THOP1: variants seen among roughly 807,000 people sequenced by gnomAD.
THOP1 encodes thimet oligopeptidase 1.
Under a neutral mutation model 71.8 loss-of-function variants are expected in THOP1, and 49 were observed. The observed-to-expected ratio is 0.68, with a 90% CI of 0.54 to 0.87. THOP1 has a LOEUF of 0.87. THOP1 is among the 40% of genes least tolerant of loss of function. The pLI, the probability that THOP1 is intolerant of heterozygous loss-of-function variation, is 0.00. For synonymous variants in THOP1, 426 were observed against 421.5 expected, an observed-to-expected ratio of 1.01 and a Z score of -0.13; for missense variants, 843 against 975.6, an observed-to-expected ratio of 0.86 and a Z score of 1.81.
chr19:2,801,389 TCTAA>T lies in THOP1; in HGVS notation c.589+1601_589+1604del, dbSNP rs1485553257. Among the ~76,000 whole-genome samples, 7 of 152,308 alleles carry T rather than the reference TCTAA, an allele frequency of 4.6e-5. No individual in the cohort carries two copies. In the East Asian group the frequency reaches 1.3e-3, roughly 29 times the overall value. On this transcript the variant is annotated intron_variant, in intron 5 of 12. Coordinates refer to ENST00000307741, the MANE Select transcript of THOP1 (RefSeq NM_003249.5). The surrounding 1 kb of genome is among the most constrained non-coding windows in gnomAD (Gnocchi z 5.1). ...ACTCGAATGTTTGTGGATTTTGGTG[TCTAA>T]CTCTTTGGGGTGCCGTTCCATTTGT...
intron 3 of THOP1, among the ~76,000 whole-genome samples, chr19:2,795,358 G>T (rs781459800): frequency 2.0e-4 from 30 of 152,268 alleles, no homozygotes; most frequent in Non-Finnish European, 4.0e-4. Flanking sequence ...CGGCATGGCT[G>T]CGTGGGCTCC....
intron 4 of THOP1, among the ~76,000 whole-genome samples, chr19:2,799,472 C>T (rs114923877): frequency 6.6e-6 from 1 of 152,244 alleles, no homozygotes; most frequent in Admixed American, 6.5e-5. Context: ...TTGGATGCCG[C>T]AGCTGGTGTT....
chr19:2,791,488 T>C (rs1915877685), intron 2 of THOP1, among the ~76,000 whole-genome samples: 1 of 152,194 alleles, frequency 6.6e-6, no homozygotes, highest in Non-Finnish European at 1.5e-5. Context: ...GGCCAGGGGC[T>C]GGAGGGAGGG....
intron 2 of THOP1, among the ~76,000 whole-genome samples, chr19:2,793,123 C>T (rs1307169975): frequency 2.0e-5 from 3 of 151,260 alleles, no homozygotes; most frequent in African/African-American, 4.9e-5. Context: ...GGCGGTGAGC[C>T]GAGATCACAC....
chr19:2,808,125 G>C (rs1599531188), intron 8 of THOP1, 118 bp from the exon 9 acceptor site: 1 of 1,187,248 alleles, frequency 8.4e-7, no homozygotes, highest in East Asian at 2.6e-5. Context: ...GGGAGGTTTA[G>C]AACCTCAGAG....
intron 4 of THOP1, among the ~76,000 whole-genome samples, chr19:2,799,323 T>C (rs543830119): frequency 4.3e-4 from 66 of 152,174 alleles, no homozygotes; most frequent in Non-Finnish European, 2.6e-4. Flanking sequence ...AGTCCCTGTC[T>C]CAGAAGAATG....
intron 9 of THOP1, 35 bp downstream of exon 9, chr19:2,808,479 G>T: frequency 6.5e-7 from 1 of 1,544,142 alleles, no homozygotes; most frequent in Non-Finnish European, 8.8e-7. Flanking sequence ...AGGGGCAGGG[G>T]CAGGGGCAGG....
chr19:2,807,219 C>A (rs942746937), intron 7 of THOP1, among the ~76,000 whole-genome samples, 167 bp downstream of exon 7: 2 of 152,170 alleles, frequency 1.3e-5, no homozygotes, highest in Admixed American at 1.3e-4. Flanking sequence ...CCTTACAGAA[C>A]AGGGAAGCGC....
chr19:2,795,050 C>G (rs1342206437), intron 3 of THOP1, 138 bp downstream of exon 3: 22 of 1,063,990 alleles, frequency 2.1e-5, no homozygotes, highest in Non-Finnish European at 2.9e-5. Flanking sequence ...TCTCGAACTC[C>G]TGACCTCAAG....
intron 2 of THOP1, among the ~76,000 whole-genome samples, chr19:2,792,864 A>T (rs963345635): frequency 6.6e-6 from 1 of 152,080 alleles, no homozygotes; most frequent in Non-Finnish European, 1.5e-5. Context: ...TTTGCATAAC[A>T]TACAGTTCAC....
rs1324465382 is a variant in THOP1 at position 2,813,541 on chromosome 19, C to T, written c.*265C>T. The T allele has an allele frequency of 2.2e-6, 1 of 450,406 alleles. No individual in the cohort carries two copies. Among genetic ancestry groups the T allele is most frequent in the Non-Finnish European group, 4.0e-6 (1 of 251,868 alleles). The allele number at this position is 450,406 out of a possible 1,614,324, so 27.9% of individuals were successfully genotyped here. A position where few individuals can be genotyped will look rare whatever the true frequency, so the allele number is the denominator to read the frequency against. Reference sequence around the variant, plus strand: ...AACACGTCTCCTCTCTGGGAAACGTCCCTTGTCAGGAGACGGCTCTTCTTT... The same window carrying T: ...AACACGTCTCCTCTCTGGGAAACGTTCCTTGTCAGGAGACGGCTCTTCTTT... On this transcript the variant is annotated 3_prime_UTR_variant, in exon 13 of 13. Coordinates refer to ENST00000307741, the MANE Select transcript of THOP1 (RefSeq NM_003249.5).
chr19:2,787,259 T>C (rs1184359723), intron 1 of THOP1, among the ~76,000 whole-genome samples: 1 of 152,162 alleles, frequency 6.6e-6, no homozygotes, highest in Non-Finnish European at 1.5e-5. Context: ...TTGGCTTTTC[T>C]CTTGCCCAGC....
rs998031758 is a variant in THOP1 at position 2,786,782 on chromosome 19, G to T, written c.16+1104G>T. On this transcript the variant is annotated intron_variant, in intron 1 of 12. Transcript: ENST00000307741. ...CCTGGCTAATTTTTTTTTTTTTTTGGAGATAGAGTCTTGGTCCGTCACCCA... is the reference window on the plus strand; with the variant it reads ...CCTGGCTAATTTTTTTTTTTTTTTGTAGATAGAGTCTTGGTCCGTCACCCA... 1.1e-4 allele frequency among the ~76,000 whole-genome samples: 6 copies of T among 52,624 alleles called. No individual in the cohort carries two copies. The African/African-American group carries it at 1.6e-3, about 14-fold the overall frequency. The allele number at this position is 52,624 out of a possible 152,430, so 34.5% of individuals were successfully genotyped here. A position where few individuals can be genotyped will look rare whatever the true frequency, so the allele number is the denominator to read the frequency against.
At chr19:2,798,900 A>G (rs1218528319) in intron 4 of THOP1, among the ~76,000 whole-genome samples, 6 of 152,252 alleles carry the variant, frequency 3.9e-5, no homozygotes, top group Admixed American at 3.9e-4. Flanking sequence ...TCCTTGTCAC[A>G]TAGTGGTCAC....
chr19:2,812,240 G>A, intron 12 of THOP1: 2 of 1,533,786 alleles, frequency 1.3e-6, no homozygotes, highest in Non-Finnish European at 1.7e-6. Flanking sequence ...ATGTGAGCCT[G>A]TGCCTCCCGC....
At chr19:2,794,940 T>C (rs767217176) in intron 3 of THOP1, 28 bp downstream of exon 3, 14 of 1,591,006 alleles carry the variant, frequency 8.8e-6, no homozygotes, top group Non-Finnish European at 1.2e-5. Context: ...GGAGTGCAAA[T>C]AGCCTCCCAA....
intron 2 of THOP1, among the ~76,000 whole-genome samples, chr19:2,792,473 CT>C (rs933288868): frequency 1.3e-5 from 2 of 150,974 alleles, no homozygotes; most frequent in African/African-American, 2.4e-5. Context: ...CCCACCCCCC[CT>C]CTAAACACAC....
In THOP1 at chr19:2,807,553, G is replaced by A. The variant is rs1032644672; in HGVS notation, c.998G>A (p.Arg333His). Residue 333 changes from arginine (R) to histidine (H), a missense_variant, in exon 8 of 13, where the codon CGT becomes CAT. Transcript: ENST00000307741. ...RRGLPFDGRI[R>H]AWDMRYYMNQ... is the part of the protein sequence containing the mutation. The stretch of plus-strand genomic sequence containing the variant: ...GGCCTGCCCTTCGACGGCCGCATCC[G>A]TGCCTGGGACATGCGCTACTACATG... 26 of 1,612,436 alleles carry A rather than the reference G, an allele frequency of 1.6e-5. No individual in the cohort carries two copies. Among genetic ancestry groups the A allele is most frequent in the East Asian group, 1.1e-4 (5 of 44,862 alleles).
chr19:2,791,471 T>C (rs1640268), intron 2 of THOP1, among the ~76,000 whole-genome samples: 64,041 of 152,060 alleles, frequency 0.42, 15,138 homozygotes, highest in East Asian at 0.64. Context: ...AGAGGGTTTG[T>C]TGTCTGGGCC....
Sources: gnomAD v4.1 joint callset for allele counts (sites outside exome capture counted in the v4.1 genomes callset) on GRCh38, gnomAD v4.1.1 for gene constraint, Gnocchi (gnomAD v3.1) non-coding constraint, MANE v1.5 for transcripts, NCBI Gene and HGNC (gene_info 2026-07-23, HGNC 2026-07-21) for gene names.